Variants in TRPM3 observed in about 807,000 individuals in gnomAD.
TRPM3 encodes the protein transient receptor potential cation channel subfamily M member 3.
A neutral mutation model predicts 181.2 loss-of-function variants in TRPM3; 77 were observed. The observed-to-expected ratio is 0.42, with a 90% confidence interval of 0.35 to 0.51. The LOEUF (loss-of-function observed/expected upper bound fraction) is 0.51, where lower values mean the gene tolerates loss of function less well. Ranked by LOEUF, TRPM3 falls within the 20% of genes least tolerant of loss-of-function variation. The probability of loss-of-function intolerance (pLI) is 0.01; values close to 1 mark genes in which losing one functional copy is unlikely to be tolerated. For synonymous variants in TRPM3, 745 were observed against 796.4 expected, an observed-to-expected ratio of 0.94 and a Z score of 1.09; for missense variants, 1,759 against 2,196.7, an observed-to-expected ratio of 0.80 and a Z score of 3.98.
chr9:71,274,742 C>T (rs1316584095), intron 1 of TRPM3, among the ~76,000 whole-genome samples: 1 of 152,198 alleles, frequency 6.6e-6, no homozygotes, highest in African/African-American at 2.4e-5. Flanking sequence ...CTCATGTATG[C>T]AAGGCATGCC....
In TRPM3 at chr9:71,421,677, T is replaced by G. The variant is rs149536796; in HGVS notation, c.183+24976A>C. 5.9e-5 allele frequency among the ~76,000 whole-genome samples: 9 copies of G among 152,168 alleles called. No individual in the cohort carries two copies. The East Asian group carries it at 1.7e-3, about 29-fold the overall frequency. ...TATACTCACATAAACCTAGCTGGGA[T>G]AGCCTGCTATATACCTAGGCCATAA... On this transcript the variant is annotated intron_variant, in intron 1 of 24. Transcript: ENST00000357533.
At chr9:71,199,434 T>C (rs1330382625) in intron 1 of TRPM3, among the ~76,000 whole-genome samples, 1 of 152,184 alleles carries the variant, frequency 6.6e-6, no homozygotes, top group Non-Finnish European at 1.5e-5. Flanking sequence ...ATTGGAATAG[T>C]TTCAGAAGGA....
chr9:70,585,871 G>A (rs1413041327), intron 22 of TRPM3, among the ~76,000 whole-genome samples: 1 of 152,140 alleles, frequency 6.6e-6, no homozygotes, highest in Non-Finnish European at 1.5e-5. Context: ...TTCTGAGCAT[G>A]GAGTGTAAGT....
chr9:71,411,765 A>G (rs1298333546), intron 1 of TRPM3, among the ~76,000 whole-genome samples: 1 of 152,214 alleles, frequency 6.6e-6, no homozygotes, highest in Non-Finnish European at 1.5e-5. Flanking sequence ...TTCATATGGA[A>G]CCAAAAAAGA....
At position 70,529,756 on chromosome 9, in the gene TRPM3, T is replaced by C. The variant is rs1639071794; in HGVS notation, c.*6197A>G. On this transcript the variant is annotated 3_prime_UTR_variant, in exon 26 of 26. Transcript: ENST00000677713. ...AGTCACTATCAAGAATCTGATCCTG[T>C]TGGCTCTAAATCAGAGGTCCCAAAC... 6.6e-6 allele frequency: 1 copy of C among 152,224 alleles called. No individual in the cohort carries two copies. The highest frequency in any genetic ancestry group is 2.4e-5 in the African/African-American group (1 of 41,458). The allele number at this position is 152,224 out of a possible 1,614,324, so 9.4% of individuals were successfully genotyped here.
At chr9:71,171,035 C>T (rs950764602) in intron 1 of TRPM3, among the ~76,000 whole-genome samples, 2 of 152,142 alleles carry the variant, frequency 1.3e-5, no homozygotes, top group African/African-American at 4.8e-5. Flanking sequence ...AAACAGCCCC[C>T]CCCAGGTGCT....
intron 1 of TRPM3, among the ~76,000 whole-genome samples, chr9:71,334,759 T>C (rs1000747608): frequency 6.6e-6 from 1 of 152,180 alleles, no homozygotes; most frequent in African/African-American, 2.4e-5. Flanking sequence ...TGATTAGTTG[T>C]TCTTTAACTT....
intron 1 of TRPM3, among the ~76,000 whole-genome samples, chr9:71,004,218 A>C (rs2097649216): frequency 6.6e-6 from 1 of 152,232 alleles, no homozygotes; most frequent in African/African-American, 2.4e-5. Flanking sequence ...GGCACAATCC[A>C]CTGAAAGGCT....
intron 7 of TRPM3, among the ~76,000 whole-genome samples, chr9:70,769,931 C>A (rs980877914): frequency 2.6e-5 from 4 of 152,118 alleles, no homozygotes; most frequent in Admixed American, 6.5e-5. Context: ...CTCCCCCATG[C>A]CTCTTTGTCC....
At chr9:70,565,575 G>A (rs1267957994) in intron 22 of TRPM3, among the ~76,000 whole-genome samples, 1 of 150,448 alleles carries the variant, frequency 6.6e-6, no homozygotes, top group Non-Finnish European at 1.5e-5. Context: ...TTACAGGCAT[G>A]AGCCACTGTG....
intron 1 of TRPM3, among the ~76,000 whole-genome samples, chr9:70,922,008 C>A (rs2096662403): frequency 6.7e-6 from 1 of 149,126 alleles, no homozygotes; most frequent in Non-Finnish European, 1.5e-5. Context: ...CATTACTAAG[C>A]CAAGCTGGAT....
At chr9:71,319,997 G>C (rs1474191538) in intron 1 of TRPM3, among the ~76,000 whole-genome samples, 1 of 152,146 alleles carries the variant, frequency 6.6e-6, no homozygotes, top group Admixed American at 6.6e-5. Context: ...TATGGGCAAG[G>C]AGCAGTTAAA....
intron 1 of TRPM3, among the ~76,000 whole-genome samples, chr9:71,020,471 C>T (rs949893331): frequency 1.4e-5 from 2 of 145,750 alleles, no homozygotes; most frequent in East Asian, 2.0e-4. Context: ...AGCAAGACCC[C>T]GTCTTGAAAA....
chr9:70,610,516 A>T, intron 19 of TRPM3, 93 bp downstream of exon 19: 1 of 1,463,808 alleles, frequency 6.8e-7, no homozygotes, highest in Non-Finnish European at 9.3e-7. Context: ...TGTGGCACTT[A>T]CGACTTGCAG....
chr9:71,429,790 G>A (rs1026182671), intron 1 of TRPM3, among the ~76,000 whole-genome samples: 2 of 152,084 alleles, frequency 1.3e-5, no homozygotes, highest in South Asian at 2.1e-4. Flanking sequence ...ACCTGGGTTC[G>A]AATCTCTCTC....
chr9:70,920,563 C>T (rs1321077597), intron 1 of TRPM3, among the ~76,000 whole-genome samples: 2 of 152,024 alleles, frequency 1.3e-5, no homozygotes, highest in Non-Finnish European at 2.9e-5. Flanking sequence ...TCTCCCAAAA[C>T]GACATACTCA....
At chr9:70,960,713 G>A (rs1003552560) in intron 1 of TRPM3, among the ~76,000 whole-genome samples, 10 of 152,088 alleles carry the variant, frequency 6.6e-5, no homozygotes, top group Admixed American at 1.3e-4. Context: ...GTACTTTCTC[G>A]TTCTCACATG....
At chr9:71,125,482 A>G (rs890999664), upstream of TRPM3, among the ~76,000 whole-genome samples, 4 of 152,182 alleles carry the variant, frequency 2.6e-5, no homozygotes, top group African/African-American at 9.7e-5. Flanking sequence ...TTCGCTGAGG[A>G]TAATGGTTTC....
chr9:71,193,538 C>T (rs527492615), intron 1 of TRPM3, among the ~76,000 whole-genome samples: 44 of 151,978 alleles, frequency 2.9e-4, no homozygotes, highest in Admixed American at 7.9e-4. Flanking sequence ...ATGACACTAT[C>T]ATGCTGCTAA....
Sources: gnomAD v4.1 joint callset for allele counts (sites outside exome capture counted in the v4.1 genomes callset) on GRCh38, gnomAD v4.1.1 for gene constraint, MANE v1.5 for transcripts, NCBI Gene and HGNC (gene_info 2026-07-23, HGNC 2026-07-21) for gene names.